The following RAP1A variants were observed in gnomAD, a reference collection of about 807,000 sequenced individuals.
The protein encoded by RAP1A is ras-related protein Rap-1A.
Under a neutral mutation model 26.4 loss-of-function variants are expected in RAP1A, and 6 were observed. That is an observed-to-expected ratio of 0.23 (90% CI 0.12 to 0.45). RAP1A has a LOEUF of 0.45. Among genes scored for constraint, RAP1A ranks in the 20% least tolerant of loss-of-function variants. The pLI is 0.99. For synonymous variants in RAP1A, 73 were observed against 79.4 expected, an observed-to-expected ratio of 0.92 and a Z score of 0.43; for missense variants, 121 against 217.2, an observed-to-expected ratio of 0.56 and a Z score of 2.78.
Position 111,602,998 on chromosome 1 carries a change from A to G in RAP1A, c.-28+60489A>G, listed in dbSNP as rs1432695522. Among the ~76,000 whole-genome samples the G allele has an allele frequency of 3.3e-5, 5 of 152,294 alleles. No individual in the cohort carries two copies. The East Asian group carries it at 9.6e-4, about 29-fold the overall frequency. ...TCTCCTTATAGTAATTCACAATCAC[A>G]GAGCCCTTCTTCCCCTCTTAGATTC... On this transcript the variant is annotated intron_variant, in intron 1 of 7. Coordinates refer to the RAP1A transcript ENST00000356415.
rs184383197 is a variant in RAP1A at position 111,701,558 on chromosome 1, A to G, written c.184-1778A>G. On this transcript the variant is annotated intron_variant, in intron 4 of 7. Coordinates refer to ENST00000369709, the MANE Select transcript of RAP1A (RefSeq NM_002884.4). ...GCCTCTCATGATCACTAACATATCC[A>G]TAGGGCTACAACTATGTCAGTGGAT... 7.2e-5 allele frequency among the ~76,000 whole-genome samples: 11 copies of G among 152,286 alleles called. No homozygotes were observed. In the East Asian group the frequency reaches 1.9e-3, roughly 27 times the overall value.
chr1:111,698,359 C>G (rs1052792498), intron 4 of RAP1A, among the ~76,000 whole-genome samples: 4 of 152,094 alleles, frequency 2.6e-5, no homozygotes, highest in African/African-American at 4.8e-5. Flanking sequence ...ACCGCAGTCT[C>G]CTGGGCTCAA....
At chr1:111,658,060 T>C (rs1660519381) in intron 1 of RAP1A, among the ~76,000 whole-genome samples, 1 of 152,208 alleles carries the variant, frequency 6.6e-6, no homozygotes, top group South Asian at 2.1e-4. Context: ...GGTAAATGTT[T>C]CGTGTACACT....
Position 111,695,324 on chromosome 1 carries a change from C to CTTT in RAP1A, c.58-10_58-8dup. On this transcript the variant is annotated splice_polypyrimidine_tract_variant and intron_variant, in intron 2 of 7. Coordinates refer to ENST00000369709, the MANE Select transcript of RAP1A (RefSeq NM_002884.4). The stretch of plus-strand genomic sequence containing the variant: ...TTTCCTTTAATTTTTTAATATTTCT[C>CTTT]TTTTTTTTTCCCCCAGACAGTTCAG... 1 of 1,465,848 alleles carries CTTT rather than the reference C, an allele frequency of 6.8e-7. No homozygotes were observed. The highest frequency in any genetic ancestry group is 9.2e-7 in the Non-Finnish European group (1 of 1,088,398). The allele number at this position is 1,465,848 out of a possible 1,614,324, so 90.8% of individuals were successfully genotyped here. A position where few individuals can be genotyped will look rare whatever the true frequency, so the allele number is the denominator to read the frequency against.
intron 1 of RAP1A, chr1:111,648,205 A>ATT: frequency 7.4e-6 from 2 of 269,672 alleles, no homozygotes; most frequent in South Asian, 3.9e-5. Context: ...GTGTGTGTGT[A>ATT]TTTTTTTTTT....
At chr1:111,683,355 C>A (rs1661366154) in intron 1 of RAP1A, among the ~76,000 whole-genome samples, 1 of 151,850 alleles carries the variant, frequency 6.6e-6, no homozygotes, top group Non-Finnish European at 1.5e-5. Context: ...ACAAAAAAAA[C>A]CTTCAAAAAA....
chr1:111,642,862 T>C (rs1030764363), intron 1 of RAP1A, among the ~76,000 whole-genome samples: 4 of 148,062 alleles, frequency 2.7e-5, no homozygotes, highest in Non-Finnish European at 5.9e-5. Context: ...GGCTCACTCC[T>C]GGGTTCAGGT....
intron 1 of RAP1A, among the ~76,000 whole-genome samples, chr1:111,638,586 G>C (rs912353544): frequency 6.6e-6 from 1 of 152,064 alleles, no homozygotes; most frequent in African/African-American, 2.4e-5. Flanking sequence ...CAACATGCCT[G>C]GCTAACTTTT....
intron 1 of RAP1A, among the ~76,000 whole-genome samples, chr1:111,676,637 A>G (rs1297815030): frequency 1.3e-5 from 2 of 152,280 alleles, no homozygotes; most frequent in East Asian, 1.9e-4. Context: ...AAATATACCT[A>G]TACAACTATT....
At chr1:111,618,361 T>C (rs12122511), upstream of RAP1A, among the ~76,000 whole-genome samples, 22,831 of 152,074 alleles carry the variant, frequency 0.15, 1,826 homozygotes, top group African/African-American at 0.2. Context: ...CTCTTCACTC[T>C]CTCCTTCCTG....
At chr1:111,683,513 C>G (rs1049901705) in intron 1 of RAP1A, among the ~76,000 whole-genome samples, 1 of 152,160 alleles carries the variant, frequency 6.6e-6, no homozygotes, top group Admixed American at 6.5e-5. Flanking sequence ...ATACAAACTA[C>G]CACCAGAGAA....
chr1:111,617,484 G>GT (rs1477680671), upstream of RAP1A, among the ~76,000 whole-genome samples: 1 of 152,142 alleles, frequency 6.6e-6, no homozygotes, highest in African/African-American at 2.4e-5. Flanking sequence ...CCAGGCTGGA[G>GT]TGCAGTGGCG....
intron 1 of RAP1A, among the ~76,000 whole-genome samples, chr1:111,670,360 G>A (rs983310438): frequency 6.6e-6 from 1 of 152,056 alleles, no homozygotes; most frequent in Non-Finnish European, 1.5e-5. Flanking sequence ...TGTAGTCCCA[G>A]CTACTCTGGA....
In RAP1A at chr1:111,692,202, C is replaced by A. The variant is rs553810610; in HGVS notation, c.57+785C>A. ...AGAGAAGGAGCTGTCAAGGATGGCTCCCAAGTTTCTAGTTTGAGCTACTAA... is the reference window on the plus strand; with the variant it reads ...AGAGAAGGAGCTGTCAAGGATGGCTACCAAGTTTCTAGTTTGAGCTACTAA... On this transcript the variant is annotated intron_variant, in intron 2 of 7. Coordinates refer to ENST00000369709, the MANE Select transcript of RAP1A (RefSeq NM_002884.4). 2.0e-5 allele frequency among the ~76,000 whole-genome samples: 3 copies of A among 152,132 alleles called. No homozygotes were observed. In the South Asian group the frequency reaches 6.2e-4, roughly 32 times the overall value.
At chr1:111,660,350 T>G (rs1660593257) in intron 1 of RAP1A, among the ~76,000 whole-genome samples, 1 of 152,242 alleles carries the variant, frequency 6.6e-6, no homozygotes, top group Non-Finnish European at 1.5e-5. Flanking sequence ...TTTGCCTTGA[T>G]TTTATGCAGT....
At chr1:111,689,975 C>T (rs1476975466) in intron 1 of RAP1A, among the ~76,000 whole-genome samples, 1 of 152,210 alleles carries the variant, frequency 6.6e-6, no homozygotes, top group Admixed American at 6.5e-5. Flanking sequence ...TGCGCCCGGC[C>T]TCAGGTCACA....
chr1:111,565,620 A>G lies in RAP1A; in HGVS notation c.-28+23111A>G, dbSNP rs145684873. Among the ~76,000 whole-genome samples the G allele has an allele frequency of 7.0e-3, 1,069 of 152,304 alleles. 12 individuals carry two copies. Among genetic ancestry groups the G allele is most frequent in the Non-Finnish European group, 8.7e-3 (589 of 68,022 alleles). ...TGTGACTAGTATGGCTGGGGAACCA[A>G]ATGTTTAATATTAATTAATTTAAAT... is the stretch of plus-strand genomic sequence containing the variant. On this transcript the variant is annotated intron_variant, in intron 1 of 7. Transcript: ENST00000356415.
At position 111,713,933 on chromosome 1, in the gene RAP1A, G is replaced by A. The variant is rs545874496; in HGVS notation, c.*1532G>A. 1 of 152,190 alleles carries A rather than the reference G, an allele frequency of 6.6e-6. No individual in the cohort carries two copies. Among genetic ancestry groups the A allele is most frequent in the Non-Finnish European group, 1.5e-5 (1 of 68,028 alleles). The allele number at this position is 152,190 out of a possible 1,614,324, so 9.4% of individuals were successfully genotyped here. On this transcript the variant is annotated 3_prime_UTR_variant, in exon 8 of 8. Transcript: ENST00000369709. ...TTAAGGAGGAGACAGACCAGTCCTA[G>A]AAAGTCTAAGTCATTGCTCAGGGAT...
intron 4 of RAP1A, among the ~76,000 whole-genome samples, chr1:111,700,498 G>C (rs566959643): frequency 1.3e-5 from 2 of 152,198 alleles, no homozygotes; most frequent in South Asian, 2.1e-4. Context: ...ATTCATGAGG[G>C]ATCCACCTCC....
Sources: gnomAD v4.1 joint callset for allele counts (sites outside exome capture counted in the v4.1 genomes callset) on GRCh38, gnomAD v4.1.1 for gene constraint, MANE v1.5 for transcripts, NCBI Gene and HGNC (gene_info 2026-07-23, HGNC 2026-07-21) for gene names.